SPAG16: variants seen among roughly 807,000 people sequenced by gnomAD.
SPAG16 encodes sperm-associated antigen 16 protein.
SPAG16 carries 86 observed loss-of-function variants against 80.4 expected under a neutral mutation model. The ratio of observed to expected loss-of-function variants is 1.07; its 90% CI spans 0.90 to 1.28. The LOEUF (loss-of-function observed/expected upper bound fraction) is 1.28, where lower values mean the gene tolerates loss of function less well. Ranked by LOEUF, SPAG16 falls within the 50% of genes most tolerant of loss-of-function variation. The probability of loss-of-function intolerance (pLI) is 0.00; values close to 1 mark genes in which losing one functional copy is unlikely to be tolerated. For missense variants in SPAG16, 870 were observed against 765.3 expected (o/e 1.14, Z -1.61); for synonymous variants, 294 against 265.9 (o/e 1.11, Z -1.03).
chr2:213,337,662 CAA>C (rs777265314), intron 5 of SPAG16, among the ~76,000 whole-genome samples: 96 of 151,410 alleles, frequency 6.3e-4, no homozygotes, highest in South Asian at 6.1e-3. Context: ...GACAGGCAGA[CAA>C]GAGGAGAGAA....
intron 10 of SPAG16, among the ~76,000 whole-genome samples, chr2:213,795,468 C>T (rs946584895): frequency 6.6e-6 from 1 of 152,196 alleles, no homozygotes; most frequent in Non-Finnish European, 1.5e-5. Context: ...ATATCCTTCA[C>T]ACACAAAACA....
At chr2:213,551,029 A>G (rs1575938466) in intron 10 of SPAG16, among the ~76,000 whole-genome samples, 1 of 152,136 alleles carries the variant, frequency 6.6e-6, no homozygotes, top group African/African-American at 2.4e-5. Context: ...ATTTTAGAAA[A>G]ATTCAGAATT....
chr2:213,374,419 C>T (rs1456040629), intron 8 of SPAG16, among the ~76,000 whole-genome samples: 8 of 151,906 alleles, frequency 5.3e-5, no homozygotes, highest in Admixed American at 5.3e-4. Context: ...AATATGTGTA[C>T]TTATATATGT....
chr2:213,853,416 G>A (rs1190445103), intron 10 of SPAG16, among the ~76,000 whole-genome samples: 1 of 151,970 alleles, frequency 6.6e-6, no homozygotes, highest in Non-Finnish European at 1.5e-5. Flanking sequence ...TATATCATGT[G>A]GTCTATTATA....
At chr2:213,444,553 A>G (rs1273707956) in intron 9 of SPAG16, among the ~76,000 whole-genome samples, 1 of 152,202 alleles carries the variant, frequency 6.6e-6, no homozygotes, top group African/African-American at 2.4e-5. Flanking sequence ...TTATATTTTG[A>G]TAGGGATTGC....
In SPAG16 at chr2:213,656,526, G is replaced by A. The variant is rs148046186; in HGVS notation, c.1070+166436G>A. Reference sequence around the variant, plus strand: ...AGATTTGCACATTTTTACCTCAGGGGTTGTTGAAGAAGTCAGGCCATGTAG... The same window carrying A: ...AGATTTGCACATTTTTACCTCAGGGATTGTTGAAGAAGTCAGGCCATGTAG... On this transcript the variant is annotated intron_variant, in intron 10 of 15. Transcript: ENST00000331683. 2.4e-3 allele frequency among the ~76,000 whole-genome samples: 368 copies of A among 152,306 alleles called. 2 individuals carry two copies. Among genetic ancestry groups the A allele is most frequent in the African/African-American group, 8.4e-3 (348 of 41,556 alleles).
chr2:214,207,804 G>A lies in SPAG16; in HGVS notation c.1720+58538G>A, dbSNP rs534378313. On this transcript the variant is annotated intron_variant, in intron 15 of 15. Coordinates refer to ENST00000331683, the MANE Select transcript of SPAG16 (RefSeq NM_024532.5). The stretch of plus-strand genomic sequence containing the variant: ...GAGACTAGAACAAAGCAGAGAAGAA[G>A]GTATGACAAGCTGGCTTGCCAAGTC... Among the ~76,000 whole-genome samples the A allele has an allele frequency of 3.6e-4, 55 of 152,308 alleles. 2 individuals are homozygous for A. In the South Asian group the frequency reaches 0.011, roughly 31 times the overall value.
At chr2:213,672,953 G>A (rs570369323) in intron 10 of SPAG16, among the ~76,000 whole-genome samples, 165 of 151,012 alleles carry the variant, frequency 1.1e-3, no homozygotes, top group African/African-American at 3.8e-3. Context: ...CCGCCTCCTG[G>A]GTTCACCCAT....
At chr2:214,380,867 G>A (rs568636026) in intron 15 of SPAG16, among the ~76,000 whole-genome samples, 1 of 152,160 alleles carries the variant, frequency 6.6e-6, no homozygotes, top group Non-Finnish European at 1.5e-5. Flanking sequence ...CTACATTAGT[G>A]TAATTGGTTT....
intron 15 of SPAG16, among the ~76,000 whole-genome samples, chr2:214,409,457 A>G (rs1702177367): frequency 6.6e-6 from 1 of 152,140 alleles, no homozygotes; most frequent in Non-Finnish European, 1.5e-5. Flanking sequence ...TGAGGAAATG[A>G]GCCACTAAAA....
chr2:213,940,894 G>C (rs2079171510), intron 12 of SPAG16, among the ~76,000 whole-genome samples: 2 of 152,082 alleles, frequency 1.3e-5, no homozygotes, highest in African/African-American at 4.8e-5. Flanking sequence ...TGTTTGACTT[G>C]AGGCTTTCAG....
chr2:213,439,117 G>A (rs2070796026), intron 9 of SPAG16, among the ~76,000 whole-genome samples: 1 of 152,188 alleles, frequency 6.6e-6, no homozygotes, highest in Non-Finnish European at 1.5e-5. Flanking sequence ...CATGAATAGA[G>A]AATCCAGTCA....
chr2:213,641,680 G>C (rs1168276958), intron 10 of SPAG16, among the ~76,000 whole-genome samples: 2 of 152,148 alleles, frequency 1.3e-5, no homozygotes, highest in Non-Finnish European at 2.9e-5. Flanking sequence ...TTTTGTTTCA[G>C]CTCTTGGTAA....
chr2:214,014,118 T>C, intron 13 of SPAG16, 41 bp downstream of exon 13: 1 of 1,605,616 alleles, frequency 6.2e-7, no homozygotes, highest in Non-Finnish European at 8.5e-7. Flanking sequence ...TTTTGATAAG[T>C]CTGATTACTC....
chr2:213,388,805 A>G (rs1345320650), intron 9 of SPAG16, among the ~76,000 whole-genome samples: 3 of 152,228 alleles, frequency 2.0e-5, no homozygotes, highest in African/African-American at 4.8e-5. Flanking sequence ...AATGAAAGCT[A>G]AAAAACATTG....
chr2:213,836,176 G>GCCCC (rs34179878), intron 10 of SPAG16, among the ~76,000 whole-genome samples: 8 of 128,448 alleles, frequency 6.2e-5, no homozygotes, highest in African/African-American at 1.8e-4. Flanking sequence ...TTCATTATTC[G>GCCCC]CCCCCCCCCC....
chr2:213,572,738 G>T (rs1227463670), intron 10 of SPAG16, among the ~76,000 whole-genome samples: 1 of 152,064 alleles, frequency 6.6e-6, no homozygotes, highest in East Asian at 1.9e-4. Flanking sequence ...GAGGCAGGCA[G>T]GCCTCCTTGA....
At chr2:213,286,041 G>A (rs898773854) in intron 1 of SPAG16, 1 of 597,818 alleles carries the variant, frequency 1.7e-6, no homozygotes, top group Admixed American at 2.5e-5. Flanking sequence ...GAAATAAATG[G>A]TAGGAGTCTA....
chr2:214,048,747 G>A lies in SPAG16; in HGVS notation c.1527+34670G>A, dbSNP rs182179905. 6.7e-3 allele frequency among the ~76,000 whole-genome samples: 1,016 copies of A among 152,262 alleles called. 17 individuals carry two copies. The highest frequency in any genetic ancestry group is 0.023 in the African/African-American group (953 of 41,552). ...ATAACACAAAGAATAAATGCTTGAT[G>A]TGATGGATACCCTAATGTGATTATT... On this transcript the variant is annotated intron_variant, in intron 13 of 15. Coordinates refer to ENST00000331683, the MANE Select transcript of SPAG16 (RefSeq NM_024532.5).
Sources: allele counts gnomAD v4.1 joint callset (sites outside exome capture counted in the v4.1 genomes callset), GRCh38; gene constraint gnomAD v4.1.1; transcripts MANE v1.5; gene names NCBI Gene and HGNC (gene_info 2026-07-23, HGNC 2026-07-21).